Variants in REDIC1 observed in about 807,000 individuals in gnomAD.
REDIC1 encodes the protein regulator of DNA class I crossover intermediates 1, also known as HEI10 Interacting Protein 1.
chr12:39,877,567 T>A, the REDIC1 span, among the ~76,000 whole-genome samples: 1 of 152,150 alleles, frequency 6.6e-6, no homozygotes, highest in Admixed American at 6.5e-5. Flanking sequence ...AGGCAATAAC[T>A]ATATTCTCTT....
chr12:39,668,823 C>T, the REDIC1 span, among the ~76,000 whole-genome samples: 16 of 151,880 alleles, frequency 1.1e-4, no homozygotes, highest in Non-Finnish European at 4.4e-5. Flanking sequence ...ATCACCAACA[C>T]CGTTTTTTCC....
At chr12:39,690,069 C>T in the REDIC1 span, among the ~76,000 whole-genome samples, 2 of 152,160 alleles carry the variant, frequency 1.3e-5, no homozygotes, top group African/African-American at 4.8e-5. Context: ...AAATTACGTT[C>T]TACCAGAGGG....
At chr12:39,844,280 A>G in the REDIC1 span, among the ~76,000 whole-genome samples, 1 of 152,064 alleles carries the variant, frequency 6.6e-6, no homozygotes, top group Non-Finnish European at 1.5e-5. Flanking sequence ...TAGGGTAGAT[A>G]GACAGTCCTT....
At chr12:39,829,147 C>T in the REDIC1 span, among the ~76,000 whole-genome samples, 5 of 151,902 alleles carry the variant, frequency 3.3e-5, no homozygotes, top group East Asian at 5.8e-4. Flanking sequence ...ATAACATTTA[C>T]ACATTTTATA....
chr12:39,688,153 A>G, the REDIC1 span, among the ~76,000 whole-genome samples: 5 of 152,260 alleles, frequency 3.3e-5, no homozygotes, highest in African/African-American at 1.2e-4. Context: ...AGACTCTGCA[A>G]GGTACAGAGA....
At chr12:39,648,049 A>G in the REDIC1 span, 2 of 1,084,040 alleles carry the variant, frequency 1.8e-6, no homozygotes, top group Non-Finnish European at 2.5e-6. Context: ...TTCTTTTTAT[A>G]GATTTAAAAT....
the REDIC1 span, among the ~76,000 whole-genome samples, chr12:39,738,042 GC>G: frequency 2.6e-5 from 4 of 152,142 alleles, no homozygotes; most frequent in Admixed American, 2.6e-4. Context: ...ATTCACTGGA[GC>G]CATTGAAATG....
the REDIC1 span, among the ~76,000 whole-genome samples, chr12:39,892,628 G>C: frequency 6.6e-6 from 1 of 152,048 alleles, no homozygotes; most frequent in Non-Finnish European, 1.5e-5. Flanking sequence ...AGATTCTTAT[G>C]AATCTGCCAC....
chr12:39,655,179 G>A, the REDIC1 span, among the ~76,000 whole-genome samples: 1 of 151,952 alleles, frequency 6.6e-6, no homozygotes, highest in Non-Finnish European at 1.5e-5. Context: ...CTGAGTTTTG[G>A]TTTAATCAAT....
chr12:39,798,672 C>T, the REDIC1 span, among the ~76,000 whole-genome samples: 1 of 152,190 alleles, frequency 6.6e-6, no homozygotes, highest in African/African-American at 2.4e-5. Context: ...CGGGCTAGTG[C>T]TGAAAGACTC....
chr12:39,635,228 AGT>A, the REDIC1 span, among the ~76,000 whole-genome samples: 3 of 152,172 alleles, frequency 2.0e-5, no homozygotes, highest in Non-Finnish European at 4.4e-5. Context: ...TGTGGAAGAC[AGT>A]GTGGCGATTC....
At chr12:39,802,097 G>A in the REDIC1 span, among the ~76,000 whole-genome samples, 2 of 152,176 alleles carry the variant, frequency 1.3e-5, no homozygotes, top group African/African-American at 2.4e-5. Flanking sequence ...GCAGTTGATG[G>A]GCTGGTCAGG....
chr12:39,672,473 G>T, the REDIC1 span, among the ~76,000 whole-genome samples: 1 of 152,138 alleles, frequency 6.6e-6, no homozygotes, highest in Non-Finnish European at 1.5e-5. Context: ...CAGGCTCTGG[G>T]TAGAGCATGC....
At chr12:39,676,895 T>G in the REDIC1 span, among the ~76,000 whole-genome samples, 1 of 152,062 alleles carries the variant, frequency 6.6e-6, no homozygotes, top group Non-Finnish European at 1.5e-5. Flanking sequence ...CAGACAAACA[T>G]GCTGAGAGAA....
At chr12:39,647,146 G>A in the REDIC1 span, among the ~76,000 whole-genome samples, 3 of 151,978 alleles carry the variant, frequency 2.0e-5, no homozygotes, top group Admixed American at 2.0e-4. Context: ...CTGATGAGCT[G>A]CCAAGGACAG....
the REDIC1 span, chr12:39,764,887 C>A: frequency 1.2e-6 from 2 of 1,600,344 alleles, no homozygotes; most frequent in Non-Finnish European, 1.7e-6. Context: ...TAAGTATTAA[C>A]TTAATGTTTT....
chr12:39,733,521 G>A, the REDIC1 span, among the ~76,000 whole-genome samples: 1 of 150,408 alleles, frequency 6.6e-6, no homozygotes, highest in Admixed American at 6.6e-5. Context: ...TGTTTGTTTT[G>A]TTATTATTAT....
At chr12:39,843,699 C>T in the REDIC1 span, among the ~76,000 whole-genome samples, 4 of 152,132 alleles carry the variant, frequency 2.6e-5, no homozygotes, top group Non-Finnish European at 5.9e-5. Flanking sequence ...ATCTTGAAGC[C>T]TTGAAGTGAG....
the REDIC1 span, among the ~76,000 whole-genome samples, chr12:39,674,364 T>C: frequency 6.6e-6 from 1 of 152,172 alleles, no homozygotes; most frequent in African/African-American, 2.4e-5. Context: ...CTTTTAAAAA[T>C]CATGATTTTG....
Sources: allele counts gnomAD v4.1 joint callset (sites outside exome capture counted in the v4.1 genomes callset), GRCh38; gene constraint gnomAD v4.1.1; transcripts MANE v1.5; gene names NCBI Gene and HGNC (gene_info 2026-07-23, HGNC 2026-07-21).